NPFFR1: variants seen among roughly 807,000 people sequenced by gnomAD.
NPFFR1 encodes G-protein coupled receptor 147.
Under a neutral mutation model 12.7 loss-of-function variants are expected in NPFFR1, and 17 were observed. The observed-to-expected ratio is 1.34, with a 90% CI of 0.92 to 2.01. The LOEUF (loss-of-function observed/expected upper bound fraction) is 2.01. Among genes scored for constraint, NPFFR1 ranks in the 30% most tolerant of loss-of-function variants. The pLI, the probability that NPFFR1 is intolerant of heterozygous loss-of-function variation, is 0.00. For synonymous variants in NPFFR1, 296 were observed against 264.5 expected, an observed-to-expected ratio of 1.12 and a Z score of -1.16; for missense variants, 604 against 606.5, an observed-to-expected ratio of 1.00 and a Z score of 0.04.
intron 1 of NPFFR1, among the ~76,000 whole-genome samples, chr10:70,281,534 G>A (rs1192834047): frequency 6.6e-6 from 1 of 152,182 alleles, no homozygotes; most frequent in African/African-American, 2.4e-5. Flanking sequence ...TTCAGAAGCA[G>A]GAGAATCAAA....
intron 2 of NPFFR1, 114 bp downstream of exon 2, chr10:70,265,963 C>A: frequency 1.0e-6 from 1 of 1,003,826 alleles, no homozygotes; most frequent in Non-Finnish European, 1.5e-6. Flanking sequence ...CACGGCATGG[C>A]CAAGAGGCCA....
chr10:70,280,729 C>T (rs1265943109), intron 1 of NPFFR1, among the ~76,000 whole-genome samples: 1 of 152,036 alleles, frequency 6.6e-6, no homozygotes, highest in Non-Finnish European at 1.5e-5. Context: ...CTAGGCTGGG[C>T]GTAGTGGCTC....
At chr10:70,258,029 A>G (rs1388313667) in intron 3 of NPFFR1, among the ~76,000 whole-genome samples, 2 of 152,160 alleles carry the variant, frequency 1.3e-5, no homozygotes, top group African/African-American at 2.4e-5. Context: ...AAATAATGAA[A>G]ATAATAATAA....
At position 70,254,926 on chromosome 10, in the gene NPFFR1, T is replaced by A; in HGVS notation, c.*31A>T. On this transcript the variant is annotated 3_prime_UTR_variant, in exon 4 of 4. Coordinates refer to ENST00000277942, the MANE Select transcript of NPFFR1 (RefSeq NM_022146.5). Reference sequence around the variant, plus strand: ...TGTATCTCGTGTCCAATCGGGGCCCTGAGGCAGCGTCCCGCCCTCCCTGGA... The same window carrying A: ...TGTATCTCGTGTCCAATCGGGGCCCAGAGGCAGCGTCCCGCCCTCCCTGGA... 1 of 1,393,426 alleles carries A rather than the reference T, an allele frequency of 7.2e-7. No homozygotes were observed. Among genetic ancestry groups the A allele is most frequent in the African/African-American group, 1.5e-5 (1 of 65,682 alleles). The allele number at this position is 1,393,426 out of a possible 1,614,324, so 86.3% of individuals were successfully genotyped here.
chr10:70,277,804 C>G (rs1449291962), intron 1 of NPFFR1, among the ~76,000 whole-genome samples: 1 of 152,174 alleles, frequency 6.6e-6, no homozygotes, highest in Non-Finnish European at 1.5e-5. Flanking sequence ...TGCCCTTCTG[C>G]TGACTTGTCC....
At chr10:70,259,339 A>G (rs1202465084) in intron 3 of NPFFR1, among the ~76,000 whole-genome samples, 1 of 152,156 alleles carries the variant, frequency 6.6e-6, no homozygotes, top group Admixed American at 6.5e-5. Context: ...CAGAGAATAA[A>G]TAATTCTTAA....
intron 1 of NPFFR1, among the ~76,000 whole-genome samples, chr10:70,283,207 T>TTCTC (rs534450457): frequency 8.9e-6 from 1 of 112,626 alleles, no homozygotes; most frequent in African/African-American, 3.4e-5. Flanking sequence ...CCCCAGGTCT[T>TTCTC]TCTCTCTCTC....
At chr10:70,271,690 A>G (rs1840743493) in intron 1 of NPFFR1, among the ~76,000 whole-genome samples, 1 of 152,196 alleles carries the variant, frequency 6.6e-6, no homozygotes, top group Non-Finnish European at 1.5e-5. Flanking sequence ...ATGAGACGAC[A>G]TGTGAGAACT....
intron 1 of NPFFR1, among the ~76,000 whole-genome samples, chr10:70,283,207 T>TTC (rs534450457): frequency 8.9e-6 from 1 of 112,624 alleles, no homozygotes; most frequent in Non-Finnish European, 1.9e-5. Flanking sequence ...CCCCAGGTCT[T>TTC]TCTCTCTCTC....
In NPFFR1 at chr10:70,255,328, C is replaced by G. The variant is rs1183680896; in HGVS notation, c.922G>C (p.Val308Leu). Residue 308 changes from valine (V) to leucine (L), a missense_variant, in exon 4 of 4, where the codon GTC (valine) becomes CTC (leucine). Physicochemically the swap from Val to Leu is conservative, Grantham distance 32. Coordinates refer to ENST00000277942, the MANE Select transcript of NPFFR1 (RefSeq NM_022146.5). This position sits in a 1 kb window ranked among gnomAD's most constrained non-coding sequence, Gnocchi z 4.2. ...LSAPQLHLVT[V>L]YAFPFAHWLA... ...CAGTGCGCGAAGGGGAAGGCGTAGA[C>G]GGTGACCAGGTGCAGCTGCGGCGCG... 1.3e-6 allele frequency: 2 copies of G among 1,579,664 alleles called. No homozygotes were observed. Among genetic ancestry groups the G allele is most frequent in the African/African-American group, 1.3e-5 (1 of 74,470 alleles).
chr10:70,279,694 C>T (rs1324256981), intron 1 of NPFFR1, among the ~76,000 whole-genome samples: 1 of 152,202 alleles, frequency 6.6e-6, no homozygotes, highest in Non-Finnish European at 1.5e-5. Flanking sequence ...CTCATGACCT[C>T]AAATGATCTT....
intron 1 of NPFFR1, among the ~76,000 whole-genome samples, chr10:70,282,997 C>G (rs896162045): frequency 1.2e-4 from 18 of 152,138 alleles, no homozygotes; most frequent in African/African-American, 4.3e-4. Flanking sequence ...ACAACCCCAC[C>G]CCTTCAAGCA....
chr10:70,258,304 CAA>C (rs35618176), intron 3 of NPFFR1, among the ~76,000 whole-genome samples: 76 of 137,056 alleles, frequency 5.5e-4, no homozygotes, highest in Non-Finnish European at 7.3e-4. Flanking sequence ...ACCTTGTCTC[CAA>C]AAAAAAAAAA....
Position 70,255,400 on chromosome 10 carries a change from G to T in NPFFR1, c.850C>A (p.Leu284Met), listed in dbSNP as rs1316028055. ...MVALFFTLSW[L>M]PLWALLLLID... ...AGCAGCAGCAGCGCCCAGAGCGGCA[G>T]CCAGGACAGCGTGAAGAACAGCGCC... Residue 284 changes from leucine (L) to methionine (M), a missense_variant, in exon 4 of 4, where the codon CTG becomes ATG. By Grantham distance (15) the Leu-to-Met change is conservative. Transcript: ENST00000277942. The surrounding 1 kb of genome is among the most constrained non-coding windows in gnomAD (Gnocchi z 4.2). 6.5e-7 allele frequency: 1 copy of T among 1,546,640 alleles called. No homozygotes were observed. The highest frequency in any genetic ancestry group is 8.7e-7 in the Non-Finnish European group (1 of 1,147,972).
chr10:70,254,700 C>T lies in NPFFR1; in HGVS notation c.*257G>A. 2 of 399,874 alleles carry T rather than the reference C, an allele frequency of 5.0e-6. No homozygotes were observed. Among genetic ancestry groups the T allele is most frequent in the Non-Finnish European group, 8.7e-6 (2 of 229,482 alleles). The allele number at this position is 399,874 out of a possible 1,614,324, so 24.8% of individuals were successfully genotyped here. A position where few individuals can be genotyped will look rare whatever the true frequency, so the allele number is the denominator to read the frequency against. ...AAGAGAAGACAACCTATCTCCAAAGCGTTGTGACAATTCAGTGAGATGATG... is the reference window on the plus strand; with the variant it reads ...AAGAGAAGACAACCTATCTCCAAAGTGTTGTGACAATTCAGTGAGATGATG... On this transcript the variant is annotated 3_prime_UTR_variant, in exon 4 of 4. Transcript: ENST00000277942.
intron 1 of NPFFR1, among the ~76,000 whole-genome samples, chr10:70,277,174 A>AG: frequency 6.6e-6 from 1 of 152,242 alleles, no homozygotes; most frequent in East Asian, 1.9e-4. Flanking sequence ...CCCCAGCAGC[A>AG]GCTGAGACCC....
chr10:70,275,750 C>G (rs1174554052), intron 1 of NPFFR1, among the ~76,000 whole-genome samples: 1 of 152,180 alleles, frequency 6.6e-6, no homozygotes, highest in African/African-American at 2.4e-5. Context: ...CCTAGACACA[C>G]TGCTTTAGCT....
chr10:70,247,874 C>T lies in NPFFR1; in HGVS notation c.*7083G>A, dbSNP rs1218903184. 2.0e-5 allele frequency: 3 copies of T among 152,170 alleles called. No homozygotes were observed. Among genetic ancestry groups the T allele is most frequent in the East Asian group, 1.9e-4 (1 of 5,198 alleles). 9.4% of individuals were successfully genotyped at this position (152,170 alleles called of 1,614,324 possible). A position where few individuals can be genotyped will look rare whatever the true frequency, so the allele number is the denominator to read the frequency against. ...TCAGTGACCACAGTGCAGGGGAGCC[C>T]GTGGCTGCTTTGAGGGCTTGATGTG... On this transcript the variant is annotated 3_prime_UTR_variant, in exon 4 of 4. Transcript: ENST00000277942.
Position 70,260,691 on chromosome 10 carries a change from C to T in NPFFR1, c.371G>A (p.Gly124Asp), listed in dbSNP as rs191021784. The stretch of plus-strand genomic sequence containing the variant: ...GAAAACGGAAGCCGACACAGACATG[C>T]CCTGCACCAAGCCGCTCATCTTGCA... ...ATCKMSGLVQ[G>D]MSVSASVFTL... The change falls in exon 3 of 4, where the codon GGC (glycine) becomes GAC (aspartate). Residue 124 changes from glycine (G) to aspartate (D), a missense_variant. By Grantham distance (94) the Gly-to-Asp change is moderately conservative. Transcript: ENST00000277942. 2.5e-6 allele frequency: 4 copies of T among 1,610,702 alleles called. No homozygotes were observed. The highest frequency in any genetic ancestry group is 2.2e-5 in the East Asian group (1 of 44,736).
Sources: gnomAD v4.1 joint callset for allele counts (sites outside exome capture counted in the v4.1 genomes callset) on GRCh38, gnomAD v4.1.1 for gene constraint, Gnocchi (gnomAD v3.1) non-coding constraint, MANE v1.5 for transcripts, NCBI Gene and HGNC (gene_info 2026-07-23, HGNC 2026-07-21) for gene names.